The following PCDH7 variants were observed in gnomAD, a reference collection of about 807,000 sequenced individuals.
The protein encoded by PCDH7 is protocadherin 7.
A neutral mutation model predicts 58.9 loss-of-function variants in PCDH7; 17 were observed. The ratio of observed to expected loss-of-function variants is 0.29; its 90% CI spans 0.20 to 0.43. The LOEUF is 0.43. PCDH7 is among the 20% of genes least tolerant of loss of function. PCDH7 has a pLI of 1.00. For synonymous variants in PCDH7, 664 were observed against 616.4 expected (o/e 1.08, Z -1.14); for missense variants, 1,274 against 1,441.0 (o/e 0.88, Z 1.88).
At chr4:30,995,833 C>A (rs61792935) in intron 3 of PCDH7, among the ~76,000 whole-genome samples, 7,389 of 152,110 alleles carry the variant, frequency 0.049, 409 homozygotes, top group East Asian at 0.3. Flanking sequence ...ACTGAATCTC[C>A]CCAGGGCTCC....
chr4:30,917,381 T>A (rs1294853622), intron 1 of PCDH7, among the ~76,000 whole-genome samples: 1 of 152,122 alleles, frequency 6.6e-6, no homozygotes, highest in Non-Finnish European at 1.5e-5. Flanking sequence ...TCAAAATGAA[T>A]CTGAAGAGCT....
intron 2 of PCDH7, among the ~76,000 whole-genome samples, chr4:30,937,498 C>A (rs2109432559): frequency 6.6e-6 from 1 of 152,134 alleles, no homozygotes; most frequent in African/African-American, 2.4e-5. Flanking sequence ...TTATGCCTGC[C>A]AATTGATCTA....
chr4:30,938,288 C>T (rs545704458), intron 2 of PCDH7, among the ~76,000 whole-genome samples: 1 of 152,194 alleles, frequency 6.6e-6, no homozygotes, highest in African/African-American at 2.4e-5. Flanking sequence ...TTTAGCTAGT[C>T]TCCTTATTGA....
At position 31,140,245 on chromosome 4, in the gene PCDH7, A is replaced by G. The variant is rs545407468; in HGVS notation, c.*8-2228A>G. Among the ~76,000 whole-genome samples, 129 of 152,302 alleles carry G rather than the reference A, an allele frequency of 8.5e-4. 1 individual carries two copies. In the Middle Eastern group the frequency reaches 0.014, roughly 16 times the overall value. ...CTCAAACAACAGGAAAACAAGTGCA[A>G]TGAATTTCAAACTAAAAACACAAAT... On this transcript the variant is annotated intron_variant, in intron 3 of 3. Transcript: ENST00000509759.
chr4:31,109,864 C>T (rs1441308475), intron 3 of PCDH7, among the ~76,000 whole-genome samples: 1 of 152,186 alleles, frequency 6.6e-6, no homozygotes, highest in Non-Finnish European at 1.5e-5. Flanking sequence ...AAATTGGCTT[C>T]CATATCTCTA....
chr4:30,943,590 G>A (rs557382686), intron 2 of PCDH7, among the ~76,000 whole-genome samples: 12 of 152,114 alleles, frequency 7.9e-5, no homozygotes, highest in East Asian at 1.9e-4. Flanking sequence ...AACCTCTTTC[G>A]CCTGCATCTC....
chr4:30,722,116 G>A lies in PCDH7; in HGVS notation c.694G>A (p.Gly232Ser). 7.0e-7 allele frequency: 1 copy of A among 1,421,888 alleles called. No individual in the cohort carries two copies. Among genetic ancestry groups the A allele is most frequent in the African/African-American group, 1.5e-5 (1 of 66,584 alleles). The allele number at this position is 1,421,888 out of a possible 1,614,324, so 88.1% of individuals were successfully genotyped here. A position where few individuals can be genotyped will look rare whatever the true frequency, so the allele number is the denominator to read the frequency against. Residue 232 changes from glycine to serine, a missense_variant, in exon 1 of 2, where the codon GGC (glycine) becomes AGC (serine). By Grantham distance (56) the Gly-to-Ser change is moderately conservative (BLOSUM62 0). This residue lies in a region of PCDH7 where 331 missense variants were observed against 303.2 expected (regional missense o/e 1.09). Transcript: ENST00000361762. The surrounding 1 kb of genome is among the most constrained non-coding windows in gnomAD (Gnocchi z 7.6). ...GCGGCGGCTGGACGCATCAGAGGGC[G>A]GCGGCGGCACCAACCCCGGCGGCCG...
At chr4:30,808,504 A>G (rs1452146698) in intron 1 of PCDH7, among the ~76,000 whole-genome samples, 10 of 152,128 alleles carry the variant, frequency 6.6e-5, no homozygotes, top group South Asian at 4.1e-4. Context: ...TATTTTCACT[A>G]CAAAGAGTGG....
At chr4:30,941,887 T>C (rs1226342604) in intron 2 of PCDH7, among the ~76,000 whole-genome samples, 1 of 151,952 alleles carries the variant, frequency 6.6e-6, no homozygotes, top group East Asian at 1.9e-4. Context: ...AAGGTCAGGA[T>C]GTGAGAAGTT....
intron 2 of PCDH7, among the ~76,000 whole-genome samples, chr4:30,933,717 G>A (rs1391358256): frequency 6.6e-6 from 1 of 152,052 alleles, no homozygotes; most frequent in Non-Finnish European, 1.5e-5. Context: ...GTTACCTGCT[G>A]TTACTCTTGT....
chr4:30,753,555 A>G (rs1042374298), intron 1 of PCDH7, among the ~76,000 whole-genome samples: 1 of 152,212 alleles, frequency 6.6e-6, no homozygotes, highest in African/African-American at 2.4e-5. Flanking sequence ...GTAGCATTTC[A>G]GGGGCTATAC....
intron 1 of PCDH7, among the ~76,000 whole-genome samples, chr4:30,771,247 C>G (rs560405678): frequency 1.3e-5 from 2 of 152,204 alleles, no homozygotes; most frequent in Non-Finnish European, 2.9e-5. Flanking sequence ...ATATTTGAAC[C>G]AGTTCTAGAT....
At chr4:30,859,006 T>C (rs921789139) in intron 1 of PCDH7, among the ~76,000 whole-genome samples, 1 of 152,322 alleles carries the variant, frequency 6.6e-6, no homozygotes, top group Admixed American at 6.5e-5. Flanking sequence ...GTTACTCTTC[T>C]CTAGCTTTCA....
chr4:30,975,193 G>C (rs976916288), intron 3 of PCDH7, among the ~76,000 whole-genome samples: 3 of 147,672 alleles, frequency 2.0e-5, no homozygotes, highest in African/African-American at 7.6e-5. Context: ...GTGTGTATTT[G>C]TGGTGAATCT....
At chr4:31,070,651 T>G (rs1315905020) in intron 3 of PCDH7, among the ~76,000 whole-genome samples, 1 of 152,086 alleles carries the variant, frequency 6.6e-6, no homozygotes, top group East Asian at 1.9e-4. Flanking sequence ...TCATATTTTT[T>G]AAATTACTGT....
At chr4:30,814,818 A>C (rs1404824870) in intron 1 of PCDH7, among the ~76,000 whole-genome samples, 1 of 152,148 alleles carries the variant, frequency 6.6e-6, no homozygotes, top group Non-Finnish European at 1.5e-5. Flanking sequence ...TTTCTAAGGT[A>C]AGAATGTAAG....
At chr4:30,811,385 T>A (rs1726982546) in intron 1 of PCDH7, among the ~76,000 whole-genome samples, 1 of 152,116 alleles carries the variant, frequency 6.6e-6, no homozygotes, top group African/African-American at 2.4e-5. Flanking sequence ...CCAAACATAA[T>A]CAATTACCTA....
intron 1 of PCDH7, among the ~76,000 whole-genome samples, chr4:30,855,227 G>A (rs1429736431): frequency 6.6e-6 from 1 of 152,124 alleles, no homozygotes; most frequent in Admixed American, 6.6e-5. Flanking sequence ...CTGAGTTAGG[G>A]AAAGCACAAT....
At chr4:30,897,695 C>CA (rs1384911715) in intron 1 of PCDH7, among the ~76,000 whole-genome samples, 1 of 152,118 alleles carries the variant, frequency 6.6e-6, no homozygotes, top group Non-Finnish European at 1.5e-5. Flanking sequence ...TAAATGTAAT[C>CA]AGGTTAGCCG....
Sources: allele counts gnomAD v4.1 joint callset (sites outside exome capture counted in the v4.1 genomes callset), GRCh38; gene constraint gnomAD v4.1.1; regional missense constraint gnomAD v4.1.1; non-coding constraint Gnocchi (gnomAD v3.1); transcripts MANE v1.5; gene names NCBI Gene and HGNC (gene_info 2026-07-23, HGNC 2026-07-21).